The following KPNA7 variants were observed in gnomAD, a reference collection of about 807,000 sequenced individuals.
KPNA7 encodes the protein karyopherin subunit alpha 7.
KPNA7 carries 54 observed loss-of-function variants against 53.7 expected under a neutral mutation model. The ratio of observed to expected loss-of-function variants is 1.01; its 90% CI spans 0.81 to 1.26. The LOEUF (loss-of-function observed/expected upper bound fraction) is 1.26. Ranked by LOEUF, KPNA7 falls within the 50% of genes most tolerant of loss-of-function variation. KPNA7 has a pLI of 0.00. For missense variants in KPNA7, 640 were observed against 644.5 expected (o/e 0.99, Z 0.07); for synonymous variants, 276 against 259.3 (o/e 1.06, Z -0.62).
At chr7:99,149,510 C>A in the KPNA7 span, among the ~76,000 whole-genome samples, 10 of 152,360 alleles carry the variant, frequency 6.6e-5, no homozygotes, top group South Asian at 4.1e-4. Flanking sequence ...TCCAATACAG[C>A]AAGCTCTTGG....
Position 99,178,050 on chromosome 7 carries a change from G to T in KPNA7, c.1334C>A (p.Ser445Tyr). 6.4e-7 allele frequency: 1 copy of T among 1,551,482 alleles called. No individual in the cohort carries two copies. Among genetic ancestry groups the T allele is most frequent in the Non-Finnish European group, 8.7e-7 (1 of 1,146,922 alleles). The change falls in exon 10 of 11, where the codon TCT becomes TAT. Residue 445 changes from serine to tyrosine, a missense_variant. Physicochemically the swap from Ser to Tyr is moderately radical, Grantham distance 144. Transcript: ENST00000327442. ...CAGAAGACACAGGTTTTCCTTCTCA[G>T]ACCGTTTCTCTGCCGCCTGTGACCA... ...SCILQAAEKR[S>Y]EKENLCLLIE...
chr7:99,217,990 G>T (rs533150571), intron 1 of KPNA7, among the ~76,000 whole-genome samples: 2 of 152,006 alleles, frequency 1.3e-5, no homozygotes, highest in African/African-American at 4.8e-5. Context: ...GACGCACCTG[G>T]GGATTCCAGA....
chr7:99,194,533 T>C (rs186644997), intron 5 of KPNA7, among the ~76,000 whole-genome samples: 7 of 152,300 alleles, frequency 4.6e-5, no homozygotes, highest in Non-Finnish European at 1.0e-4. Flanking sequence ...TGTCTCTAGT[T>C]AGCCTGTGGC....
rs547592677 is a variant in KPNA7 at position 99,180,999 on chromosome 7, C to CTGTCTCTCTGTGTGTGTG, written c.1317+883_1317+884insCACACACACAGAGAGACA. On this transcript the variant is annotated intron_variant, in intron 9 of 10. Transcript: ENST00000327442. Reference sequence around the variant, plus strand: ...CCCGTCTGTGTCTCTCTCTCCCCGTCTGTCTCTCTCTCTCTGTGTGTGTGT... The same window carrying CTGTCTCTCTGTGTGTGTG: ...CCCGTCTGTGTCTCTCTCTCCCCGTCTGTCTCTCTGTGTGTGTGTGTCTCTCTCTCTCTGTGTGTGTGT... Among the ~76,000 whole-genome samples the CTGTCTCTCTGTGTGTGTG allele has an allele frequency of 1.5e-4, 9 of 59,444 alleles. 4 individuals are homozygous for CTGTCTCTCTGTGTGTGTG. Among genetic ancestry groups the CTGTCTCTCTGTGTGTGTG allele is most frequent in the Non-Finnish European group, 1.9e-4 (5 of 26,122 alleles). 39.0% of individuals were successfully genotyped at this position (59,444 alleles called of 152,430 possible). A position where few individuals can be genotyped will look rare whatever the true frequency, so the allele number is the denominator to read the frequency against.
chr7:99,189,087 T>TTCC (rs1789795724), intron 6 of KPNA7, among the ~76,000 whole-genome samples: 1 of 152,188 alleles, frequency 6.6e-6, no homozygotes, highest in African/African-American at 2.4e-5. Context: ...AGATGGAGGT[T>TTCC]TCCTTTGTCT....
chr7:99,207,511 AG>A, intron 1 of KPNA7, 22 bp from the exon 2 acceptor site: 2 of 1,308,752 alleles, frequency 1.5e-6, no homozygotes, highest in Non-Finnish European at 2.2e-6. Context: ...ACAGCAACAA[AG>A]AAATTTTCAG....
chr7:99,187,827 A>T (rs201966810), intron 7 of KPNA7, among the ~76,000 whole-genome samples: 13,438 of 99,370 alleles, frequency 0.14, 1,179 homozygotes, highest in Middle Eastern at 0.19. Context: ...AAAAAAAAAA[A>T]AAAAAAAACC....
chr7:99,200,229 G>A lies in KPNA7; in HGVS notation c.201+2877C>T, dbSNP rs185679470. The stretch of plus-strand genomic sequence containing the variant: ...ATTTTCGTATTTTTCGTAGAGACGC[G>A]GTTTCACCATGTTGGCCAGGCTGGT... On this transcript the variant is annotated intron_variant, in intron 3 of 10. Transcript: ENST00000327442. 2.4e-4 allele frequency among the ~76,000 whole-genome samples: 36 copies of A among 152,124 alleles called. No homozygotes were observed. In the East Asian group the frequency reaches 3.5e-3, roughly 15 times the overall value.
chr7:99,164,171 A>G, the KPNA7 span, among the ~76,000 whole-genome samples: 1 of 151,242 alleles, frequency 6.6e-6, no homozygotes, highest in Admixed American at 6.6e-5. Context: ...TCATGCTGCT[A>G]TAAAGACACA....
chr7:99,189,282 C>T (rs1488067669), intron 6 of KPNA7, among the ~76,000 whole-genome samples: 1 of 151,976 alleles, frequency 6.6e-6, no homozygotes, highest in East Asian at 1.9e-4. Context: ...TCCCTTTTGG[C>T]CTTTTATTAT....
At chr7:99,210,019 CAAAA>C (rs965140849), upstream of KPNA7, among the ~76,000 whole-genome samples, 3 of 150,344 alleles carry the variant, frequency 2.0e-5, no homozygotes, top group African/African-American at 7.3e-5. Context: ...AACAAACAAA[CAAAA>C]AAAAGAAAAA....
At chr7:99,205,055 C>T (rs1236332687) in intron 2 of KPNA7, among the ~76,000 whole-genome samples, 1 of 152,024 alleles carries the variant, frequency 6.6e-6, no homozygotes, top group East Asian at 1.9e-4. Flanking sequence ...CCTTCGTTCT[C>T]ACTGATTTCC....
chr7:99,207,364 G>A (rs1286887240), intron 2 of KPNA7, 37 bp downstream of exon 2: 1 of 1,535,890 alleles, frequency 6.5e-7, no homozygotes, highest in Non-Finnish European at 8.8e-7. Context: ...AGATTGCACT[G>A]GTCCCCAATA....
At chr7:99,218,206 G>A (rs1791261422) in intron 1 of KPNA7, among the ~76,000 whole-genome samples, 1 of 152,084 alleles carries the variant, frequency 6.6e-6, no homozygotes, top group African/African-American at 2.4e-5. Context: ...TCGCTATGTT[G>A]CCTACTCTGG....
At chr7:99,152,763 G>T in the KPNA7 span, among the ~76,000 whole-genome samples, 5 of 152,056 alleles carry the variant, frequency 3.3e-5, no homozygotes, top group African/African-American at 1.2e-4. Context: ...TCAATTAGAG[G>T]TATAATCATT....
At chr7:99,148,539 C>A in the KPNA7 span, among the ~76,000 whole-genome samples, 3 of 152,120 alleles carry the variant, frequency 2.0e-5, no homozygotes, top group South Asian at 6.2e-4. Context: ...TTTATGATCA[C>A]CTGAAACCAA....
At chr7:99,193,533 C>A (rs1790070412) in intron 5 of KPNA7, among the ~76,000 whole-genome samples, 2 of 152,136 alleles carry the variant, frequency 1.3e-5, no homozygotes, top group Non-Finnish European at 2.9e-5. Context: ...AATTTTAGAC[C>A]CTAGAAGTCT....
chr7:99,180,499 G>GTCTC (rs1428522371), intron 9 of KPNA7, among the ~76,000 whole-genome samples: 1 of 108,234 alleles, frequency 9.2e-6, no homozygotes, highest in African/African-American at 2.5e-5. Context: ...TCCTATCTCT[G>GTCTC]TCTGTCTCTC....
At chr7:99,175,768 T>G (rs1440300335) in intron 10 of KPNA7, among the ~76,000 whole-genome samples, 1 of 151,796 alleles carries the variant, frequency 6.6e-6, no homozygotes, top group African/African-American at 2.4e-5. Context: ...TGCCTCAGCC[T>G]CCCAAAGTGC....
Sources: allele counts gnomAD v4.1 joint callset (sites outside exome capture counted in the v4.1 genomes callset), GRCh38; gene constraint gnomAD v4.1.1; transcripts MANE v1.5; gene names NCBI Gene and HGNC (gene_info 2026-07-23, HGNC 2026-07-21).